Variants in SLC34A1 observed in about 807,000 individuals in gnomAD.
The protein encoded by SLC34A1 is sodium-dependent phosphate transport protein 2A.
A neutral mutation model predicts 51.4 loss-of-function variants in SLC34A1; 57 were observed. That is an observed-to-expected ratio of 1.11 (90% CI 0.90 to 1.38). The LOEUF (loss-of-function observed/expected upper bound fraction) is 1.38. SLC34A1 is among the 40% of genes most tolerant of loss of function. The pLI, the probability that SLC34A1 is intolerant of heterozygous loss-of-function variation, is 0.00. For missense variants in SLC34A1, 796 were observed against 835.6 expected (o/e 0.95, Z 0.58); for synonymous variants, 368 against 358.0 (o/e 1.03, Z -0.32).
Position 177,396,874 on chromosome 5 carries a change from T to A in SLC34A1, c.1291+25T>A, listed in dbSNP as rs1762986697. 2 of 1,613,798 alleles carry A rather than the reference T, an allele frequency of 1.2e-6. No individual in the cohort carries two copies. The highest frequency in any genetic ancestry group is 2.7e-5 in the African/African-American group (2 of 74,842). On this transcript the variant is annotated intron_variant, in intron 11 of 12. Transcript: ENST00000324417. This position sits in a 1 kb window ranked among gnomAD's most constrained non-coding sequence, Gnocchi z 4.0. Reference sequence around the variant, plus strand: ...GGTGAGTGCCCATGTAGAGGTGGAGTGGGGTGGGCCAGGGCTGGCAGGGAA... The same window carrying A: ...GGTGAGTGCCCATGTAGAGGTGGAGAGGGGTGGGCCAGGGCTGGCAGGGAA...
At chr5:177,389,530 A>C in intron 8 of SLC34A1, 9 of 1,404,094 alleles carry the variant, frequency 6.4e-6, no homozygotes, top group Non-Finnish European at 8.6e-6. Context: ...CCCTGCGGGC[A>C]GCTTTTACGC....
chr5:177,389,998 C>T (rs904633413), intron 8 of SLC34A1: 13 of 1,354,076 alleles, frequency 9.6e-6, no homozygotes, highest in African/African-American at 4.4e-5. Context: ...CATCCCCTTT[C>T]TGGGACAGCG....
At chr5:177,389,587 T>C (rs1166242348) in intron 8 of SLC34A1, 3 of 1,535,104 alleles carry the variant, frequency 2.0e-6, no homozygotes, top group African/African-American at 1.4e-5. Context: ...TCACGAGCTC[T>C]CTGAGCACTC....
At chr5:177,387,099 A>T (rs564359620) in intron 5 of SLC34A1, among the ~76,000 whole-genome samples, 1 of 151,950 alleles carries the variant, frequency 6.6e-6, no homozygotes, top group Non-Finnish European at 1.5e-5. Flanking sequence ...GGCCGGGCGC[A>T]GTGGCTCATG....
intron 12 of SLC34A1, 134 bp from the exon 13 acceptor site, chr5:177,397,649 G>A (rs192841660): frequency 1.7e-6 from 2 of 1,154,100 alleles, no homozygotes; most frequent in Admixed American, 3.5e-5. Flanking sequence ...TCGGGGCAGG[G>A]GGCACATCAC....
chr5:177,391,724 C>T (rs907479590), intron 8 of SLC34A1, among the ~76,000 whole-genome samples: 3 of 152,248 alleles, frequency 2.0e-5, no homozygotes, highest in African/African-American at 7.2e-5. Flanking sequence ...GAGAGGGTCA[C>T]TCCATATCAG....
intron 8 of SLC34A1, chr5:177,389,505 T>C (rs1021715004): frequency 1.8e-6 from 2 of 1,108,374 alleles, no homozygotes; most frequent in Non-Finnish European, 2.6e-6. Context: ...AAAGCAGCCT[T>C]ACATAAAAAA....
At chr5:177,389,532 C>CT (rs1201506861) in intron 8 of SLC34A1, 4 of 1,445,442 alleles carry the variant, frequency 2.8e-6, no homozygotes, top group Non-Finnish European at 3.7e-6. Flanking sequence ...CTGCGGGCAG[C>CT]TTTTACGCTG....
chr5:177,386,695 A>G lies in SLC34A1; in HGVS notation c.532+129A>G. 1 of 1,099,820 alleles carries G rather than the reference A, an allele frequency of 9.1e-7. No homozygotes were observed. The allele number at this position is 1,099,820 out of a possible 1,614,324, so 68.1% of individuals were successfully genotyped here. On this transcript the variant is annotated intron_variant, in intron 5 of 12. Transcript: ENST00000324417. The surrounding 1 kb of genome is among the most constrained non-coding windows in gnomAD (Gnocchi z 4.8). The stretch of plus-strand genomic sequence containing the variant: ...AGCTTGACTCCTGTATCAGCCAGGG[A>G]CATGAGAGGAGCCCAACTGTAGCTG...
intron 12 of SLC34A1, 150 bp from the exon 13 acceptor site, chr5:177,397,633 G>A: frequency 1.0e-6 from 1 of 976,696 alleles, no homozygotes; most frequent in South Asian, 1.4e-5. Context: ...CCACCTCGGG[G>A]TGATCTCGGG....
rs148980219 is a variant in SLC34A1 at position 177,389,509 on chromosome 5, T to TA, written c.936+1146dup. On this transcript the variant is annotated intron_variant, in intron 8 of 12. Transcript: ENST00000324417. ...TCTGAGTGTTCAAAGCAGCCTTACATAAAAAAAAACCCCTGCGGGCAGCTT... is the reference window on the plus strand; with the variant it reads ...TCTGAGTGTTCAAAGCAGCCTTACATAAAAAAAAAACCCCTGCGGGCAGCTT... 9.3e-3 allele frequency: 10,365 copies of TA among 1,112,850 alleles called. 66 individuals are homozygous for TA. The highest frequency in any genetic ancestry group is 0.053 in the African/African-American group (3,364 of 63,072). The allele number at this position is 1,112,850 out of a possible 1,614,324, so 68.9% of individuals were successfully genotyped here. A position where few individuals can be genotyped will look rare whatever the true frequency, so the allele number is the denominator to read the frequency against.
chr5:177,398,520 G>T lies in SLC34A1; in HGVS notation c.*234G>T. On this transcript the variant is annotated 3_prime_UTR_variant, in exon 13 of 13. Coordinates refer to ENST00000324417, the MANE Select transcript of SLC34A1 (RefSeq NM_003052.5). The surrounding 1 kb of genome is among the most constrained non-coding windows in gnomAD (Gnocchi z 4.7). ...GAAGCTTGTATTTGTGTACAGGTGT[G>T]CCAGCCCATGCAGGTGTACACAGAC... is the stretch of plus-strand genomic sequence containing the variant. 1.6e-6 allele frequency: 1 copy of T among 615,690 alleles called. No individual in the cohort carries two copies. The highest frequency in any genetic ancestry group is 1.8e-5 in the South Asian group (1 of 55,066). 38.1% of individuals were successfully genotyped at this position (615,690 alleles called of 1,614,324 possible).
At chr5:177,387,483 GC>G (rs1762627387) in intron 5 of SLC34A1, among the ~76,000 whole-genome samples, 1 of 152,214 alleles carries the variant, frequency 6.6e-6, no homozygotes. Context: ...TAGGACATGA[GC>G]CCACGAGCCC....
At chr5:177,385,561 G>A (rs142024030) in intron 1 of SLC34A1, 134 bp from the exon 2 acceptor site, 23 of 660,600 alleles carry the variant, frequency 3.5e-5, no homozygotes, top group African/African-American at 1.8e-4. Flanking sequence ...TGTGAGTCTC[G>A]GAGGGGTGTG....
rs1191299948 is a variant in SLC34A1 at position 177,396,511 on chromosome 5, G to A, written c.1175-222G>A. On this transcript the variant is annotated intron_variant, in intron 10 of 12. Transcript: ENST00000324417. The surrounding 1 kb of genome is among the most constrained non-coding windows in gnomAD (Gnocchi z 4.0). ...CCTCTCTCCCAGTGCCCCCGCGGAG[G>A]TCCTCTCTCCCAGTGCCCCCGCGGA... Among the ~76,000 whole-genome samples the A allele has an allele frequency of 4.9e-4, 47 of 96,690 alleles. No individual in the cohort carries two copies. The highest frequency in any genetic ancestry group is 1.3e-3 in the African/African-American group (43 of 31,992). The allele number at this position is 96,690 out of a possible 152,430, so 63.4% of individuals were successfully genotyped here. A position where few individuals can be genotyped will look rare whatever the true frequency, so the allele number is the denominator to read the frequency against.
At chr5:177,387,897 G>GC in intron 6 of SLC34A1, 24 bp downstream of exon 6, 2 of 1,584,222 alleles carry the variant, frequency 1.3e-6, no homozygotes, top group Admixed American at 1.7e-5. Flanking sequence ...GGGGTTGGGG[G>GC]CTCGTGCCTG....
rs187142557 is a variant in SLC34A1, at chr5:177,393,194, C to T, written c.937-500C>T. The stretch of plus-strand genomic sequence containing the variant: ...ACTGACAGTAGGTGGGCAGAAGAGA[C>T]GTGTGGGCTGGGCCCTCTGTCCCCT... On this transcript the variant is annotated intron_variant, in intron 8 of 12. Transcript: ENST00000324417. Among the ~76,000 whole-genome samples, 10 of 152,178 alleles carry T rather than the reference C, an allele frequency of 6.6e-5. No homozygotes were observed. The East Asian group carries it at 9.7e-4, about 15-fold the overall frequency.
Position 177,396,311 on chromosome 5 carries a change from T to C in SLC34A1, c.1175-422T>C, listed in dbSNP as rs1243214417. Among the ~76,000 whole-genome samples the C allele has an allele frequency of 2.6e-5, 4 of 152,198 alleles. No homozygotes were observed. The East Asian group carries it at 7.7e-4, about 29-fold the overall frequency. ...GGGAACAGCCCCATCAAAGGCACAGTTGCCTGACGGAGCCAGGCTGAGAAA... is the reference window on the plus strand; with the variant it reads ...GGGAACAGCCCCATCAAAGGCACAGCTGCCTGACGGAGCCAGGCTGAGAAA... On this transcript the variant is annotated intron_variant, in intron 10 of 12. Coordinates refer to ENST00000324417, the MANE Select transcript of SLC34A1 (RefSeq NM_003052.5). The surrounding 1 kb of genome is among the most constrained non-coding windows in gnomAD (Gnocchi z 4.0).
In SLC34A1 at chr5:177,388,285, G is replaced by A. The variant is rs749905923; in HGVS notation, c.849G>A (p.Glu283=). The A allele has an allele frequency of 6.2e-7, 1 of 1,614,138 alleles. No individual in the cohort carries two copies. The highest frequency in any genetic ancestry group is 8.5e-7 in the Non-Finnish European group (1 of 1,180,028). ...PFTKLIIQLD[E]SVITSIATGD... ...CCACATCTTGCCCACAGCTGGACGA[G>A]TCTGTGATAACCAGCATTGCCACTG... Residue 283 remains glutamate (E), a synonymous_variant, in exon 8 of 13, where the codon GAG becomes GAA. Transcript: ENST00000324417. The surrounding 1 kb of genome is among the most constrained non-coding windows in gnomAD (Gnocchi z 4.3).
Sources: allele counts gnomAD v4.1 joint callset (sites outside exome capture counted in the v4.1 genomes callset), GRCh38; gene constraint gnomAD v4.1.1; non-coding constraint Gnocchi (gnomAD v3.1); transcripts MANE v1.5; gene names NCBI Gene and HGNC (gene_info 2026-07-23, HGNC 2026-07-21).